The following CAMK1D variants were observed in gnomAD, a reference collection of about 807,000 sequenced individuals.
The protein encoded by CAMK1D is calcium/calmodulin dependent protein kinase ID, also known as calcium/calmodulin-dependent protein kinase type 1D.
In CAMK1D, 9 loss-of-function variants were observed where a neutral mutation model predicts 47.7. The ratio of observed to expected loss-of-function variants is 0.19; its 90% CI spans 0.11 to 0.33. The LOEUF is 0.33. Ranked by LOEUF, CAMK1D falls within the 10% of genes least tolerant of loss-of-function variation. CAMK1D has a pLI of 1.00. For synonymous variants in CAMK1D, 184 were observed against 184.9 expected (o/e 0.99, Z 0.04); for missense variants, 291 against 488.7 (o/e 0.60, Z 3.81).
In CAMK1D at chr10:12,721,257, G is replaced by C. The variant is rs1261151314; in HGVS notation, c.300-39691G>C. 2.6e-5 allele frequency among the ~76,000 whole-genome samples: 4 copies of C among 152,182 alleles called. No individual in the cohort carries two copies. In the East Asian group the frequency reaches 5.8e-4, roughly 22 times the overall value. ...ATAAGTAATTCGAGACCAGTCACAG[G>C]CTTTTTTCTCACTTAATGGACAGCC... On this transcript the variant is annotated intron_variant, in intron 3 of 10. Coordinates refer to ENST00000619168, the MANE Select transcript of CAMK1D (RefSeq NM_153498.4).
At chr10:12,651,100 CGT>C (rs1839949335) in intron 2 of CAMK1D, among the ~76,000 whole-genome samples, 1 of 152,204 alleles carries the variant, frequency 6.6e-6, no homozygotes, top group Non-Finnish European at 1.5e-5. Context: ...CCTTCCTCCC[CGT>C]GTTTCTTTAC....
At chr10:12,723,142 C>A (rs894563746) in intron 3 of CAMK1D, among the ~76,000 whole-genome samples, 1 of 151,972 alleles carries the variant, frequency 6.6e-6, no homozygotes, top group African/African-American at 2.4e-5. Flanking sequence ...CAGGCCCACA[C>A]GTCTTAAAGC....
intron 1 of CAMK1D, among the ~76,000 whole-genome samples, chr10:12,530,155 G>C (rs1835757810): frequency 6.6e-6 from 1 of 152,230 alleles, no homozygotes; most frequent in Non-Finnish European, 1.5e-5. Context: ...TTTGGATCAA[G>C]GTCTGGCCGG....
rs554810239 is a variant in CAMK1D at position 12,724,186 on chromosome 10, C to T, written c.300-36762C>T. On this transcript the variant is annotated intron_variant, in intron 3 of 10. Coordinates refer to ENST00000619168, the MANE Select transcript of CAMK1D (RefSeq NM_153498.4). ...TATATTTGTAATAGAGATGAGGTTTCACCATGTTGGCCAGGTTGATCTCAA... is the reference window on the plus strand; with the variant it reads ...TATATTTGTAATAGAGATGAGGTTTTACCATGTTGGCCAGGTTGATCTCAA... Among the ~76,000 whole-genome samples the T allele has an allele frequency of 6.6e-5, 10 of 152,344 alleles. No individual in the cohort carries two copies. The East Asian group carries it at 1.9e-3, about 29-fold the overall frequency.
intron 3 of CAMK1D, among the ~76,000 whole-genome samples, chr10:12,738,471 A>G (rs186199642): frequency 6.6e-6 from 1 of 152,242 alleles, no homozygotes; most frequent in Non-Finnish European, 1.5e-5. Context: ...AAAGATATTT[A>G]TGCCAACTTG....
chr10:12,388,447 G>C (rs1838601619), intron 1 of CAMK1D, among the ~76,000 whole-genome samples: 1 of 152,134 alleles, frequency 6.6e-6, no homozygotes, highest in South Asian at 2.1e-4. Flanking sequence ...TAAGAGTGTC[G>C]AGGTTTAGAG....
intron 3 of CAMK1D, among the ~76,000 whole-genome samples, chr10:12,749,628 T>C (rs890705603): frequency 3.3e-5 from 5 of 151,626 alleles, no homozygotes; most frequent in African/African-American, 1.2e-4. Context: ...GCACAGTCTC[T>C]GCTCACTGCA....
In CAMK1D at chr10:12,408,440, T is replaced by G. The variant is rs200001379; in HGVS notation, c.92+58530T>G. Reference sequence around the variant, plus strand: ...CACCCGCCTCGGCCTCCCAAAGTGCTGGGATTACAGGCGTGAGCCACCGCA... The same window carrying G: ...CACCCGCCTCGGCCTCCCAAAGTGCGGGGATTACAGGCGTGAGCCACCGCA... On this transcript the variant is annotated intron_variant, in intron 1 of 10. Transcript: ENST00000619168. Among the ~76,000 whole-genome samples, 11 of 152,350 alleles carry G rather than the reference T, an allele frequency of 7.2e-5. No individual in the cohort carries two copies. The East Asian group carries it at 1.9e-3, about 27-fold the overall frequency.
intron 3 of CAMK1D, among the ~76,000 whole-genome samples, chr10:12,757,087 C>T (rs1205028454): frequency 6.6e-6 from 1 of 152,252 alleles, no homozygotes; most frequent in African/African-American, 2.4e-5. Context: ...AGATCTGCAT[C>T]CTAAGAAGCT....
At chr10:12,580,352 T>TC (rs1287128633) in intron 2 of CAMK1D, among the ~76,000 whole-genome samples, 2 of 149,718 alleles carry the variant, frequency 1.3e-5, no homozygotes, top group Non-Finnish European at 3.0e-5. Context: ...TTTTTTTTTT[T>TC]TTTTTTAATA....
At position 12,792,958 on chromosome 10, in the gene CAMK1D, GCGCACACACACA is replaced by G. The variant is rs1176153804; in HGVS notation, c.641+1727_641+1738del. Among the ~76,000 whole-genome samples the G allele has an allele frequency of 5.0e-4, 74 of 147,398 alleles. No individual in the cohort carries two copies. The Middle Eastern group carries it at 0.017, about 35-fold the overall frequency. The stretch of plus-strand genomic sequence containing the variant: ...TCCCCTAATAAAATCACATGTGTGC[GCGCACACACACA>G]CACACACACACACGCACGCACACAA... On this transcript the variant is annotated intron_variant, in intron 6 of 10. Coordinates refer to ENST00000619168, the MANE Select transcript of CAMK1D (RefSeq NM_153498.4).
At chr10:12,524,324 C>T (rs11257857) in intron 1 of CAMK1D, among the ~76,000 whole-genome samples, 77,544 of 152,004 alleles carry the variant, frequency 0.51, 19,978 homozygotes, top group South Asian at 0.62. Flanking sequence ...ATTTTATCAC[C>T]TGAAGAAAAT....
chr10:12,653,566 CA>C (rs1483274641), intron 2 of CAMK1D, among the ~76,000 whole-genome samples: 3 of 152,098 alleles, frequency 2.0e-5, no homozygotes, highest in Admixed American at 6.5e-5. Flanking sequence ...TACTGATGTG[CA>C]AAAATTAAAG....
At chr10:12,653,208 C>T (rs1314431334) in intron 2 of CAMK1D, 17 of 154,226 alleles carry the variant, frequency 1.1e-4, no homozygotes. Context: ...TGTGATGACC[C>T]ATTAATCCAC....
At position 12,758,179 on chromosome 10, in the gene CAMK1D, C is replaced by A. The variant is rs144115669; in HGVS notation, c.300-2769C>A. The stretch of plus-strand genomic sequence containing the variant: ...CCTCTTGACTTCATCTAAACCTAAT[C>A]ACCTCCCAAAGACCCCACCTCCAAA... On this transcript the variant is annotated intron_variant, in intron 3 of 10. Coordinates refer to ENST00000619168, the MANE Select transcript of CAMK1D (RefSeq NM_153498.4). 4.6e-3 allele frequency among the ~76,000 whole-genome samples: 694 copies of A among 152,160 alleles called. 7 individuals carry two copies. The highest frequency in any genetic ancestry group is 0.016 in the African/African-American group (657 of 41,528).
chr10:12,583,978 G>T (rs1253963742), intron 2 of CAMK1D, among the ~76,000 whole-genome samples: 2 of 152,172 alleles, frequency 1.3e-5, no homozygotes, highest in African/African-American at 4.8e-5. Context: ...CAATAGCCAA[G>T]TTGCCTGTCA....
intron 1 of CAMK1D, among the ~76,000 whole-genome samples, chr10:12,431,129 T>TA (rs1283368759): frequency 6.6e-6 from 1 of 152,258 alleles, no homozygotes; most frequent in East Asian, 1.9e-4. Flanking sequence ...TCTTATTTTT[T>TA]AAAAAATTAT....
intron 1 of CAMK1D, among the ~76,000 whole-genome samples, chr10:12,416,992 A>G (rs1043074929): frequency 1.3e-5 from 2 of 152,080 alleles, no homozygotes; most frequent in Non-Finnish European, 2.9e-5. Flanking sequence ...CCGGGGTCAC[A>G]CTGCTTGGGC....
intron 6 of CAMK1D, among the ~76,000 whole-genome samples, chr10:12,792,667 T>G (rs1269904678): frequency 6.6e-6 from 1 of 152,226 alleles, no homozygotes; most frequent in African/African-American, 2.4e-5. Flanking sequence ...TGGGCTGCAT[T>G]TGTAGTTTAG....
Sources: gnomAD v4.1 joint callset for allele counts (sites outside exome capture counted in the v4.1 genomes callset) on GRCh38, gnomAD v4.1.1 for gene constraint, MANE v1.5 for transcripts, NCBI Gene and HGNC (gene_info 2026-07-23, HGNC 2026-07-21) for gene names.